Variants in PIK3C3 observed in about 807,000 individuals in gnomAD.
The protein encoded by PIK3C3 is phosphatidylinositol 3-kinase catalytic subunit type 3, also known as PI3-kinase type 3.
Under a neutral mutation model 126.1 loss-of-function variants are expected in PIK3C3, and 95 were observed. The ratio of observed to expected loss-of-function variants is 0.75; its 90% CI spans 0.64 to 0.89. The LOEUF is 0.89. Ranked by LOEUF, PIK3C3 falls within the 40% of genes least tolerant of loss-of-function variation. PIK3C3 has a pLI of 0.00. For missense variants in PIK3C3, 829 were observed against 1,063.2 expected, an observed-to-expected ratio of 0.78 and a Z score of 3.06; for synonymous variants, 374 against 360.0, an observed-to-expected ratio of 1.04 and a Z score of -0.44.
chr18:42,001,686 C>T (rs1226603167), intron 9 of PIK3C3, among the ~76,000 whole-genome samples: 1 of 152,126 alleles, frequency 6.6e-6, no homozygotes, highest in Non-Finnish European at 1.5e-5. Context: ...CAGCAGCATA[C>T]TTCATAAATC....
intron 10 of PIK3C3, among the ~76,000 whole-genome samples, chr18:42,006,973 A>G (rs1214661543): frequency 2.8e-5 from 4 of 145,122 alleles, no homozygotes; most frequent in Non-Finnish European, 5.9e-5. Context: ...ACGCCATTCT[A>G]CGGCCTCAGC....
At chr18:42,078,147 G>A (rs1986099140) in intron 24 of PIK3C3, among the ~76,000 whole-genome samples, 1 of 151,922 alleles carries the variant, frequency 6.6e-6, no homozygotes. Context: ...GGAGGCCGAG[G>A]CGGGTGGATC....
chr18:42,057,971 A>T lies in PIK3C3; in HGVS notation c.2352A>T (p.Val784=). ...PPPMKLNKEM[V]EGMGGTQSEQ... Reference sequence around the variant, plus strand: ...CAATGAAGCTGAATAAAGAAATGGTAGAAGGAATGGGGGGCACACAGAGTG... The same window carrying T: ...CAATGAAGCTGAATAAAGAAATGGTTGAAGGAATGGGGGGCACACAGAGTG... Residue 784 remains valine (V), a synonymous_variant, in exon 22 of 25, where the codon GTA becomes GTT. Coordinates refer to ENST00000262039, the MANE Select transcript of PIK3C3 (RefSeq NM_002647.4). 1 of 1,613,624 alleles carries T rather than the reference A, an allele frequency of 6.2e-7. No individual in the cohort carries two copies.
intron 18 of PIK3C3, among the ~76,000 whole-genome samples, 183 bp from the exon 19 acceptor site, chr18:42,040,494 G>GT (rs1039890347): frequency 6.6e-6 from 1 of 151,754 alleles, no homozygotes; most frequent in Admixed American, 6.6e-5. Flanking sequence ...AAAAAAAAAA[G>GT]TTTTCTTACA....
chr18:42,079,607 G>A (rs1290669963), intron 24 of PIK3C3, among the ~76,000 whole-genome samples: 1 of 152,104 alleles, frequency 6.6e-6, no homozygotes, highest in Admixed American at 6.6e-5. Flanking sequence ...AACAGTATCT[G>A]TGAGGTGCAG....
chr18:42,078,560 C>G (rs1339775912), intron 24 of PIK3C3, among the ~76,000 whole-genome samples: 1 of 152,102 alleles, frequency 6.6e-6, no homozygotes, highest in Non-Finnish European at 1.5e-5. Context: ...AAGTCACCAG[C>G]TGCATTAGCC....
At chr18:42,035,764 A>G (rs1984023072) in intron 16 of PIK3C3, among the ~76,000 whole-genome samples, 1 of 152,174 alleles carries the variant, frequency 6.6e-6, no homozygotes, top group South Asian at 2.1e-4. Context: ...AAATTTCTGC[A>G]TACACTTGCA....
At chr18:41,956,922 T>C (rs777302845) in intron 1 of PIK3C3, among the ~76,000 whole-genome samples, 3 of 152,210 alleles carry the variant, frequency 2.0e-5, no homozygotes, top group Non-Finnish European at 4.4e-5. Context: ...TCTGATGTAA[T>C]CTTGATGTCT....
chr18:42,040,418 TC>T (rs1288425383), intron 18 of PIK3C3, among the ~76,000 whole-genome samples: 1 of 152,122 alleles, frequency 6.6e-6, no homozygotes, highest in Non-Finnish European at 1.5e-5. Context: ...CTATTAGTTT[TC>T]GTTTCTCATA....
intron 22 of PIK3C3, among the ~76,000 whole-genome samples, chr18:42,059,199 A>T (rs1697440739): frequency 2.0e-5 from 3 of 152,186 alleles, no homozygotes; most frequent in African/African-American, 7.2e-5. Context: ...CTAGGTCTTC[A>T]TTGTAAACTC....
intron 24 of PIK3C3, among the ~76,000 whole-genome samples, chr18:42,071,136 G>A (rs1985755895): frequency 6.6e-6 from 1 of 152,126 alleles, no homozygotes; most frequent in Admixed American, 6.5e-5. Flanking sequence ...GAAAATAAGA[G>A]TTAAGAACAA....
intron 24 of PIK3C3, among the ~76,000 whole-genome samples, chr18:42,077,557 C>T (rs749440232): frequency 3.9e-5 from 6 of 152,230 alleles, no homozygotes; most frequent in Admixed American, 1.3e-4. Flanking sequence ...AGGAACTCCT[C>T]ATCTGCTCAA....
chr18:41,966,052 A>C (rs2144302368), intron 3 of PIK3C3, among the ~76,000 whole-genome samples: 1 of 152,294 alleles, frequency 6.6e-6, no homozygotes, highest in East Asian at 1.9e-4. Context: ...ATATAAATGA[A>C]ACCTGTTAGA....
intron 4 of PIK3C3, among the ~76,000 whole-genome samples, chr18:41,982,031 T>C (rs770810145): frequency 4.6e-5 from 7 of 152,066 alleles, no homozygotes; most frequent in Non-Finnish European, 8.8e-5. Context: ...GAGACGCTTA[T>C]TGTCTTTTTT....
intron 12 of PIK3C3, among the ~76,000 whole-genome samples, chr18:42,016,278 A>C (rs545729861): frequency 6.6e-6 from 1 of 152,156 alleles, no homozygotes; most frequent in Non-Finnish European, 1.5e-5. Flanking sequence ...GTATGTTTGC[A>C]TATCTTTCGG....
At chr18:42,013,684 C>A in intron 11 of PIK3C3, 88 bp downstream of exon 11, 1 of 957,266 alleles carries the variant, frequency 1.0e-6, no homozygotes, top group African/African-American at 1.7e-5. Context: ...TTAGATGTAC[C>A]AAATGCTAGT....
At chr18:41,966,980 G>A (rs980631584) in intron 3 of PIK3C3, among the ~76,000 whole-genome samples, 4 of 152,116 alleles carry the variant, frequency 2.6e-5, no homozygotes, top group Non-Finnish European at 5.9e-5. Context: ...CTGTACTGGC[G>A]CTTGTACTGA....
At position 42,085,539 on chromosome 18, in the gene PIK3C3, A is replaced by G. The variant is rs1986381238; in HGVS notation, c.*4402A>G. The G allele has an allele frequency of 1.3e-5, 2 of 152,220 alleles. No homozygotes were observed. The highest frequency in any genetic ancestry group is 4.8e-5 in the African/African-American group (2 of 41,458). 9.4% of individuals were successfully genotyped at this position (152,220 alleles called of 1,614,324 possible). ...TATAAAACACTAGGAATGTCAAAAT[A>G]GAACATAAGAAAATGAGTCTAGTGG... is the stretch of plus-strand genomic sequence containing the variant. On this transcript the variant is annotated 3_prime_UTR_variant, in exon 25 of 25. Coordinates refer to ENST00000262039, the MANE Select transcript of PIK3C3 (RefSeq NM_002647.4).
chr18:42,027,721 C>G (rs1405835084), intron 14 of PIK3C3, among the ~76,000 whole-genome samples, 173 bp downstream of exon 14: 1 of 152,170 alleles, frequency 6.6e-6, no homozygotes. Flanking sequence ...GTGGTGCCAT[C>G]TCAGCTCACT....
Sources: gnomAD v4.1 joint callset for allele counts (sites outside exome capture counted in the v4.1 genomes callset) on GRCh38, gnomAD v4.1.1 for gene constraint, MANE v1.5 for transcripts, NCBI Gene and HGNC (gene_info 2026-07-23, HGNC 2026-07-21) for gene names.